The following SUPT3H variants were observed in gnomAD, a reference collection of about 807,000 sequenced individuals.
The protein encoded by SUPT3H is SPT3 homolog, SAGA and STAGA complex component.
In SUPT3H, 44 loss-of-function variants were observed where a neutral mutation model predicts 44.3. The observed-to-expected ratio is 0.99, with a 90% CI of 0.78 to 1.28. The LOEUF (loss-of-function observed/expected upper bound fraction) is 1.28, where lower values mean the gene tolerates loss of function less well. Ranked by LOEUF, SUPT3H falls within the 50% of genes most tolerant of loss-of-function variation. The probability of loss-of-function intolerance (pLI) is 0.00; values close to 1 mark genes in which losing one functional copy is unlikely to be tolerated. For synonymous variants in SUPT3H, 124 were observed against 125.6 expected (o/e 0.99, Z 0.09); for missense variants, 380 against 387.1 (o/e 0.98, Z 0.15).
intron 2 of SUPT3H, among the ~76,000 whole-genome samples, chr6:45,357,902 T>C (rs1399625499): frequency 6.6e-6 from 1 of 152,096 alleles, no homozygotes; most frequent in East Asian, 1.9e-4. Flanking sequence ...AGTATATATA[T>C]ATATAAATAC....
At chr6:44,982,742 T>C (rs570733604) in intron 6 of SUPT3H, among the ~76,000 whole-genome samples, 1 of 152,320 alleles carries the variant, frequency 6.6e-6, no homozygotes, top group African/African-American at 2.4e-5. Flanking sequence ...CTTGTGATAG[T>C]GATAATGAAA....
At chr6:45,122,687 T>C (rs1801842850) in intron 2 of SUPT3H, among the ~76,000 whole-genome samples, 1 of 152,150 alleles carries the variant, frequency 6.6e-6, no homozygotes, top group Non-Finnish European at 1.5e-5. Flanking sequence ...TTGTTTCTAA[T>C]TAAAAAAAAA....
chr6:45,063,517 T>TG lies in SUPT3H; in HGVS notation c.186+42404dup, dbSNP rs949666533. 2.4e-5 allele frequency among the ~76,000 whole-genome samples: 3 copies of TG among 125,540 alleles called. 1 individual carries two copies. Among genetic ancestry groups the TG allele is most frequent in the African/African-American group, 6.2e-5 (2 of 32,104 alleles). 82.4% of individuals were successfully genotyped at this position (125,540 alleles called of 152,430 possible). On this transcript the variant is annotated intron_variant, in intron 3 of 10. Coordinates refer to ENST00000371459, the MANE Select transcript of SUPT3H (RefSeq NM_003599.4). ...CAGACGATCAAATTACTCTGAGCTA[T>TG]GGGAGGACATTCAAACCAAAGGCAA...
At position 45,062,419 on chromosome 6, in the gene SUPT3H, G is replaced by C. The variant is rs112805148; in HGVS notation, c.187-41787C>G. On this transcript the variant is annotated intron_variant, in intron 3 of 10. Coordinates refer to ENST00000371459, the MANE Select transcript of SUPT3H (RefSeq NM_003599.4). ...GACACACTAAATGGAGCATCAAAGC[G>C]GATCAGCCTTCTAAAGAGTACACTG... Among the ~76,000 whole-genome samples the C allele has an allele frequency of 9.1e-3, 1,380 of 152,240 alleles. 16 individuals are homozygous for C. Among genetic ancestry groups the C allele is most frequent in the South Asian group, 0.028 (137 of 4,812 alleles).
At chr6:45,327,525 T>C (rs1562959366) in intron 2 of SUPT3H, among the ~76,000 whole-genome samples, 1 of 152,006 alleles carries the variant, frequency 6.6e-6, no homozygotes, top group Non-Finnish European at 1.5e-5. Context: ...CATTCATTTT[T>C]TTAAGATCTT....
intron 2 of SUPT3H, among the ~76,000 whole-genome samples, chr6:45,303,685 A>AG (rs970155338): frequency 4.0e-5 from 6 of 150,918 alleles, no homozygotes; most frequent in African/African-American, 1.5e-4. Context: ...AAAAAAAAAA[A>AG]AAAAAAAGAA....
At chr6:45,250,607 CAG>C (rs1323286847) in intron 2 of SUPT3H, among the ~76,000 whole-genome samples, 1 of 151,686 alleles carries the variant, frequency 6.6e-6, no homozygotes. Flanking sequence ...GATGGAAAAA[CAG>C]AGGAAACAGG....
rs540013748 is a variant in SUPT3H, at chr6:44,881,593, C to G, written c.912+51060G>C. Reference sequence around the variant, plus strand: ...AAATCAACAGAATATACATTCTTCTCAGCACCACATTGCACTTATTCTAAA... The same window carrying G: ...AAATCAACAGAATATACATTCTTCTGAGCACCACATTGCACTTATTCTAAA... On this transcript the variant is annotated intron_variant, in intron 10 of 10. Transcript: ENST00000371459. 6.6e-5 allele frequency among the ~76,000 whole-genome samples: 10 copies of G among 152,314 alleles called. No individual in the cohort carries two copies. The East Asian group carries it at 1.7e-3, about 26-fold the overall frequency.
chr6:45,275,110 G>A (rs879199803), intron 2 of SUPT3H, among the ~76,000 whole-genome samples: 20 of 152,080 alleles, frequency 1.3e-4, no homozygotes, highest in African/African-American at 9.7e-5. Flanking sequence ...ATTCATAAGC[G>A]ATAGTAGTGT....
Position 44,947,000 on chromosome 6 carries a change from C to G in SUPT3H, c.801+6310G>C, listed in dbSNP as rs190523159. ...AACCTTCGGCAACCACCACCCTGAT[C>G]AATCAGTAGCCATTAACATCGAGGC... On this transcript the variant is annotated intron_variant, in intron 9 of 10. Coordinates refer to ENST00000371459, the MANE Select transcript of SUPT3H (RefSeq NM_003599.4). Among the ~76,000 whole-genome samples the G allele has an allele frequency of 8.5e-5, 13 of 152,218 alleles. No homozygotes were observed. The East Asian group carries it at 2.5e-3, about 29-fold the overall frequency.
chr6:45,325,405 T>C (rs894113971), intron 2 of SUPT3H, among the ~76,000 whole-genome samples: 10 of 151,854 alleles, frequency 6.6e-5, no homozygotes, highest in East Asian at 1.9e-4. Flanking sequence ...CACAAATACC[T>C]TGGTATTTTC....
intron 3 of SUPT3H, among the ~76,000 whole-genome samples, chr6:45,101,153 C>T (rs1006113832): frequency 3.9e-5 from 6 of 152,204 alleles, no homozygotes; most frequent in Non-Finnish European, 7.3e-5. Flanking sequence ...TGGCCAGGCG[C>T]GGAGGCTCAC....
chr6:44,953,771 G>T (rs1774679687), intron 8 of SUPT3H, among the ~76,000 whole-genome samples: 1 of 151,992 alleles, frequency 6.6e-6, no homozygotes, highest in South Asian at 2.1e-4. Flanking sequence ...CGCTCTTGTT[G>T]CCCAGGCTGG....
At chr6:44,852,687 C>A (rs561297292) in intron 10 of SUPT3H, among the ~76,000 whole-genome samples, 46 of 152,254 alleles carry the variant, frequency 3.0e-4, no homozygotes, top group African/African-American at 1.1e-3. Context: ...CATAGAAGAA[C>A]AGCTATGGTA....
chr6:45,082,159 C>T (rs1795895334), intron 3 of SUPT3H, among the ~76,000 whole-genome samples: 1 of 152,070 alleles, frequency 6.6e-6, no homozygotes, highest in Admixed American at 6.6e-5. Context: ...AAAAAGCCTA[C>T]CAACCAGAAA....
intron 2 of SUPT3H, among the ~76,000 whole-genome samples, chr6:45,340,602 G>C (rs1461224896): frequency 6.6e-6 from 1 of 151,858 alleles, no homozygotes; most frequent in East Asian, 1.9e-4. Context: ...GAGATTATAA[G>C]CATAAGCCAC....
intron 3 of SUPT3H, among the ~76,000 whole-genome samples, chr6:45,060,812 G>T (rs1791885566): frequency 6.6e-6 from 1 of 152,162 alleles, no homozygotes; most frequent in Admixed American, 6.5e-5. Flanking sequence ...CTTCTGAAAA[G>T]AAGACATTCT....
chr6:45,105,886 A>C, intron 3 of SUPT3H, 36 bp downstream of exon 3: 1 of 1,513,276 alleles, frequency 6.6e-7, no homozygotes, highest in Non-Finnish European at 9.1e-7. Context: ...AAGAATGCAG[A>C]GAAGAGAAAC....
At chr6:45,032,431 A>G (rs951577946) in intron 3 of SUPT3H, among the ~76,000 whole-genome samples, 3 of 152,182 alleles carry the variant, frequency 2.0e-5, no homozygotes, top group East Asian at 1.9e-4. Context: ...CTATACCTGC[A>G]TAAGTATTGC....
Sources: gnomAD v4.1 joint callset for allele counts (sites outside exome capture counted in the v4.1 genomes callset) on GRCh38, gnomAD v4.1.1 for gene constraint, MANE v1.5 for transcripts, NCBI Gene and HGNC (gene_info 2026-07-23, HGNC 2026-07-21) for gene names.